The following UCHL5 variants were observed in gnomAD, a reference collection of about 807,000 sequenced individuals.
UCHL5 encodes ubiquitin C-terminal hydrolase L5.
In UCHL5, 34 loss-of-function variants were observed where a neutral mutation model predicts 53.8. The observed-to-expected ratio is 0.63, with a 90% CI of 0.48 to 0.84. UCHL5 has a LOEUF of 0.84. UCHL5 is among the 40% of genes least tolerant of loss of function. The pLI is 0.00. For synonymous variants in UCHL5, 111 were observed against 126.3 expected (o/e 0.88, Z 0.81); for missense variants, 290 against 385.6 (o/e 0.75, Z 2.08).
chr1:193,021,067 AATTTAAG>A, intron 10 of UCHL5, 23 bp downstream of exon 10: 1 of 1,483,770 alleles, frequency 6.7e-7, no homozygotes, highest in Non-Finnish European at 9.3e-7. Flanking sequence ...CTCTAAACTT[AATTTAAG>A]TATCTACCAA....
intron 1 of UCHL5, among the ~76,000 whole-genome samples, chr1:193,056,492 C>A (rs1328451212): frequency 1.3e-5 from 2 of 152,166 alleles, no homozygotes; most frequent in Non-Finnish European, 2.9e-5. Flanking sequence ...TCTATCTTGG[C>A]TGTAACCAAA....
Position 193,015,355 on chromosome 1 carries a change from G to GA in UCHL5, c.*995_*996insT, listed in dbSNP as rs1654735996. The GA allele has an allele frequency of 1.3e-5, 2 of 152,070 alleles. No individual in the cohort carries two copies. Among genetic ancestry groups the GA allele is most frequent in the South Asian group, 4.1e-4 (2 of 4,820 alleles). 9.4% of individuals were successfully genotyped at this position (152,070 alleles called of 1,614,324 possible). A position where few individuals can be genotyped will look rare whatever the true frequency, so the allele number is the denominator to read the frequency against. ...TAGGTTACTTCCTTTAAAAAAGAAA[G>GA]CTTTATAAAGTCTTCTTTAAAGTCT... is the stretch of plus-strand genomic sequence containing the variant. On this transcript the variant is annotated 3_prime_UTR_variant, in exon 11 of 11. Coordinates refer to ENST00000367454, the MANE Select transcript of UCHL5 (RefSeq NM_001199261.3).
chr1:193,042,723 A>G (rs950903728), intron 3 of UCHL5, among the ~76,000 whole-genome samples: 1 of 152,220 alleles, frequency 6.6e-6, no homozygotes, highest in Non-Finnish European at 1.5e-5. Context: ...TTCTAAATGA[A>G]AATCTGTTCA....
intron 8 of UCHL5, among the ~76,000 whole-genome samples, chr1:193,023,615 C>T (rs1657984260): frequency 6.6e-6 from 1 of 152,052 alleles, no homozygotes; most frequent in African/African-American, 2.4e-5. Context: ...AAGGTAAATA[C>T]TATTTATTAT....
intron 3 of UCHL5, among the ~76,000 whole-genome samples, chr1:193,032,669 C>A (rs1310159754): frequency 6.6e-6 from 1 of 152,098 alleles, no homozygotes; most frequent in Non-Finnish European, 1.5e-5. Context: ...GGAACTTAAA[C>A]AAATGCAGAA....
At chr1:193,040,394 A>T (rs1302142505) in intron 3 of UCHL5, among the ~76,000 whole-genome samples, 1 of 152,244 alleles carries the variant, frequency 6.6e-6, no homozygotes, top group Non-Finnish European at 1.5e-5. Flanking sequence ...ATATAAAAAA[A>T]TACTCAACAT....
chr1:193,058,834 G>A (rs1227944401), intron 1 of UCHL5, among the ~76,000 whole-genome samples: 2 of 152,238 alleles, frequency 1.3e-5, no homozygotes, highest in African/African-American at 4.8e-5. Context: ...CCCGGGATAA[G>A]GTGCGCGCCG....
intron 3 of UCHL5, among the ~76,000 whole-genome samples, chr1:193,036,516 A>T (rs1663563097): frequency 6.6e-6 from 1 of 151,960 alleles, no homozygotes; most frequent in East Asian, 1.9e-4. Flanking sequence ...AATATAAAGC[A>T]AGTGTTTATA....
intron 7 of UCHL5, 90 bp downstream of exon 7, chr1:193,027,995 A>G (rs1310872262): frequency 6.4e-7 from 1 of 1,571,276 alleles, no homozygotes; most frequent in Non-Finnish European, 8.6e-7. Context: ...TAGATGTTCA[A>G]TGCACACTGC....
At chr1:193,060,056 C>T, upstream of UCHL5, 1 of 1,329,110 alleles carries the variant, frequency 7.5e-7, no homozygotes, top group Non-Finnish European at 1.0e-6. Context: ...GCATCGCTCC[C>T]CACAGGCCGA....
At chr1:193,034,980 G>A (rs115207076) in intron 3 of UCHL5, among the ~76,000 whole-genome samples, 1,753 of 152,058 alleles carry the variant, frequency 0.012, 16 homozygotes, top group South Asian at 0.034. Context: ...GAAATGGTAA[G>A]AGGCATTCTC....
chr1:193,024,002 G>C (rs529629917), intron 7 of UCHL5, 56 bp from the exon 8 acceptor site: 6 of 1,226,442 alleles, frequency 4.9e-6, no homozygotes, highest in Non-Finnish European at 6.9e-6. Context: ...AACTATTACC[G>C]TTAAGATAAT....
At chr1:193,051,689 G>A in intron 2 of UCHL5, 65 bp downstream of exon 2, 4 of 989,086 alleles carry the variant, frequency 4.0e-6, no homozygotes, top group Non-Finnish European at 5.9e-6. Context: ...AAACAAATCT[G>A]AATATCCTTT....
chr1:193,048,119 T>G (rs909548257), intron 3 of UCHL5, among the ~76,000 whole-genome samples: 5 of 152,206 alleles, frequency 3.3e-5, no homozygotes, highest in African/African-American at 1.2e-4. Context: ...GCTAAATTGT[T>G]AGCTTTTTCC....
intron 1 of UCHL5, among the ~76,000 whole-genome samples, chr1:193,055,236 C>CT (rs143526369): frequency 0.019 from 2,931 of 152,020 alleles, 92 homozygotes; most frequent in African/African-American, 0.066. Context: ...GAGACAGCAC[C>CT]TTTTTTTTGA....
At chr1:193,052,244 A>G (rs1669288362) in intron 1 of UCHL5, among the ~76,000 whole-genome samples, 1 of 151,958 alleles carries the variant, frequency 6.6e-6, no homozygotes, top group South Asian at 2.1e-4. Flanking sequence ...TCTGATCCTT[A>G]TCCTGAATTC....
intron 3 of UCHL5, among the ~76,000 whole-genome samples, chr1:193,038,418 G>T (rs1271385681): frequency 1.4e-5 from 2 of 147,866 alleles, no homozygotes; most frequent in Non-Finnish European, 1.5e-5. Flanking sequence ...TCGCGCCACT[G>T]CACTCCAGCC....
chr1:193,051,725 C>T (rs562100458), intron 2 of UCHL5, 29 bp downstream of exon 2: 2,436 of 1,316,110 alleles, frequency 1.9e-3, no homozygotes, highest in Non-Finnish European at 2.4e-3. Flanking sequence ...TATATATATA[C>T]ATATTAACAC....
chr1:193,042,063 G>T (rs1460283203), intron 3 of UCHL5, among the ~76,000 whole-genome samples: 1 of 151,466 alleles, frequency 6.6e-6, no homozygotes, highest in Non-Finnish European at 1.5e-5. Flanking sequence ...CTGTGATCAT[G>T]CCACTGCACT....
Sources: gnomAD v4.1 joint callset for allele counts (sites outside exome capture counted in the v4.1 genomes callset) on GRCh38, gnomAD v4.1.1 for gene constraint, MANE v1.5 for transcripts, NCBI Gene and HGNC (gene_info 2026-07-23, HGNC 2026-07-21) for gene names.